The following MCCC1 variants were observed in gnomAD, a reference collection of about 807,000 sequenced individuals.
MCCC1 encodes methylcrotonyl-CoA carboxylase subunit 1.
In MCCC1, 64 loss-of-function variants were observed where a neutral mutation model predicts 83.8. The observed-to-expected ratio is 0.76, with a 90% CI of 0.62 to 0.94. The LOEUF is 0.94. MCCC1 is among the 40% of genes least tolerant of loss of function. The probability of loss-of-function intolerance (pLI) is 0.00; values close to 1 mark genes in which losing one functional copy is unlikely to be tolerated. For synonymous variants in MCCC1, 322 were observed against 315.4 expected, an observed-to-expected ratio of 1.02 and a Z score of -0.22; for missense variants, 807 against 904.7, an observed-to-expected ratio of 0.89 and a Z score of 1.39.
At chr3:183,099,259 A>AC in intron 1 of MCCC1, 93 bp downstream of exon 1, 1 of 1,444,662 alleles carries the variant, frequency 6.9e-7, no homozygotes, top group African/African-American at 1.4e-5. Flanking sequence ...CCCCACACCG[A>AC]CCCTGGGTTC....
intron 15 of MCCC1, among the ~76,000 whole-genome samples, chr3:183,025,003 G>C (rs1318239449): frequency 6.6e-6 from 1 of 150,910 alleles, no homozygotes; most frequent in Non-Finnish European, 1.5e-5. Flanking sequence ...CTACACCATG[G>C]AAGAACCTTG....
Position 183,041,692 on chromosome 3 carries a change from G to T in MCCC1, c.1142C>A (p.Ala381Asp). ...TTCTGCATATATTCTAGCTTCGAAGGCATGGCCCTGCAGAGTTATTTCTTC... is the reference window on the plus strand; with the variant it reads ...TTCTGCATATATTCTAGCTTCGAAGTCATGGCCCTGCAGAGTTATTTCTTC... ...SQEEITLQGH[A>D]FEARIYAEDP... Residue 381 changes from alanine (A) to aspartate (D), a missense_variant, in exon 11 of 19, where the codon GCC becomes GAC. By Grantham distance (126) the Ala-to-Asp change is moderately radical. Transcript: ENST00000265594. 1 of 1,614,166 alleles carries T rather than the reference G, an allele frequency of 6.2e-7. No individual in the cohort carries two copies. The highest frequency in any genetic ancestry group is 8.5e-7 in the Non-Finnish European group (1 of 1,180,026).
At chr3:183,056,621 G>C (rs1715440014) in intron 8 of MCCC1, among the ~76,000 whole-genome samples, 1 of 152,168 alleles carries the variant, frequency 6.6e-6, no homozygotes, top group Non-Finnish European at 1.5e-5. Context: ...ATTAAAAAAG[G>C]CTTTTCCACA....
intron 9 of MCCC1, among the ~76,000 whole-genome samples, chr3:183,048,205 A>T (rs1714697014): frequency 6.6e-6 from 1 of 152,248 alleles, no homozygotes; most frequent in Non-Finnish European, 1.5e-5. Context: ...AGGCAGAAAA[A>T]GTCTGAAAGA....
chr3:183,031,536 C>T (rs1258507525), intron 14 of MCCC1, among the ~76,000 whole-genome samples: 66 of 117,698 alleles, frequency 5.6e-4, no homozygotes, highest in African/African-American at 2.1e-3. Flanking sequence ...CCCGCTCTGT[C>T]GCCCAGGCTG....
At chr3:183,103,926 C>A (rs568449001), upstream of MCCC1, among the ~76,000 whole-genome samples, 1 of 152,316 alleles carries the variant, frequency 6.6e-6, no homozygotes, top group Non-Finnish European at 1.5e-5. Context: ...AGAAATCCAG[C>A]GCAGCGCCGG....
chr3:183,095,108 C>G (rs1306603620), intron 1 of MCCC1, among the ~76,000 whole-genome samples: 1 of 151,914 alleles, frequency 6.6e-6, no homozygotes, highest in Non-Finnish European at 1.5e-5. Context: ...ACGGTGAAAC[C>G]CTGTCTCTAC....
intron 15 of MCCC1, among the ~76,000 whole-genome samples, chr3:183,024,151 G>A (rs989048103): frequency 3.3e-5 from 5 of 152,142 alleles, no homozygotes; most frequent in Admixed American, 6.5e-5. Flanking sequence ...TTGGGAGGCT[G>A]AGGCAGGAGA....
chr3:183,096,729 C>T (rs1172372787), intron 1 of MCCC1, among the ~76,000 whole-genome samples: 7 of 152,210 alleles, frequency 4.6e-5, no homozygotes, highest in Non-Finnish European at 8.8e-5. Context: ...AGCTTCCTCA[C>T]GAGGCTGCTG....
intron 11 of MCCC1, 103 bp downstream of exon 11, chr3:183,041,464 A>G: frequency 1.6e-6 from 2 of 1,239,998 alleles, no homozygotes; most frequent in Non-Finnish European, 2.3e-6. Context: ...ATTTTAAAAT[A>G]TGCTAGACAG....
At chr3:183,101,734 C>G (rs537752089), upstream of MCCC1, among the ~76,000 whole-genome samples, 11 of 152,338 alleles carry the variant, frequency 7.2e-5, no homozygotes, top group Non-Finnish European at 1.2e-4. Context: ...AAGCTTTGTT[C>G]TTTCGCTCTT....
intron 1 of MCCC1, among the ~76,000 whole-genome samples, chr3:183,105,644 T>TTAGC (rs1719390608): frequency 6.6e-6 from 1 of 152,128 alleles, no homozygotes; most frequent in Non-Finnish European, 1.5e-5. Flanking sequence ...TAGGCCTGTA[T>TTAGC]TAGCTATTGT....
At chr3:183,100,474 G>C (rs970626009), upstream of MCCC1, among the ~76,000 whole-genome samples, 1 of 152,164 alleles carries the variant, frequency 6.6e-6, no homozygotes, top group Admixed American at 6.5e-5. Flanking sequence ...TGTCTTGCAA[G>C]AAAATTCCAC....
Position 183,051,514 on chromosome 3 carries a change from GGGATGAAA to G in MCCC1, c.955+637_955+644del, listed in dbSNP as rs912154074. 3.4e-4 allele frequency among the ~76,000 whole-genome samples: 51 copies of G among 152,192 alleles called. 1 individual carries two copies. In the Middle Eastern group the frequency reaches 0.01, roughly 30 times the overall value. ...CATGAGTGGCTGCCGGGGTTTAGGG[GGGATGAAA>G]GGATGAATAGACAGAGCACAGAGGA... On this transcript the variant is annotated intron_variant, in intron 9 of 18. Transcript: ENST00000265594.
intron 13 of MCCC1, among the ~76,000 whole-genome samples, chr3:183,035,491 T>C (rs897885635): frequency 6.7e-6 from 1 of 148,802 alleles, no homozygotes. Context: ...ACCAGAAGTG[T>C]TTTGAATTTC....
intron 4 of MCCC1, among the ~76,000 whole-genome samples, chr3:183,074,628 G>T (rs986055373): frequency 6.6e-6 from 1 of 152,168 alleles, no homozygotes; most frequent in Non-Finnish European, 1.5e-5. Context: ...CCTAGTGACA[G>T]GAAACAATGC....
rs1553866733 is a variant in MCCC1, at chr3:183,088,210, GT to G, written c.274-1423del. Among the ~76,000 whole-genome samples, 812 of 139,650 alleles carry G rather than the reference GT, an allele frequency of 5.8e-3. 3 individuals carry two copies. The highest frequency in any genetic ancestry group is 0.018 in the African/African-American group (668 of 37,114). 91.6% of individuals were successfully genotyped at this position (139,650 alleles called of 152,430 possible). Reference sequence around the variant, plus strand: ...TTTGTTGTTGTTGTTGTTGTTGTGTGTTTTTTTTTTTTTTTGAGGTAAGTCT... The same window carrying G: ...TTTGTTGTTGTTGTTGTTGTTGTGTGTTTTTTTTTTTTTTGAGGTAAGTCT... On this transcript the variant is annotated intron_variant, in intron 3 of 18. Transcript: ENST00000265594.
rs1244625468 is a variant in MCCC1 at position 183,071,093 on chromosome 3, C to T, written c.667G>A (p.Glu223Lys). The change falls in exon 7 of 19, where the codon GAA becomes AAA. Residue 223 changes from glutamate to lysine, a missense_variant. Glu to Lys is a moderately conservative substitution (Grantham distance 56, BLOSUM62 1). Coordinates refer to ENST00000265594, the MANE Select transcript of MCCC1 (RefSeq NM_020166.5). ...KGMRIVRSEQEFQEQLESARR... is the reference protein window; with the variant it reads ...KGMRIVRSEQKFQEQLESARR... Reference sequence around the variant, plus strand: ...GCTGACTCTAACTGTTCTTGAAATTCTTGTTCTGATCTAACAATCCTCATT... The same window carrying T: ...GCTGACTCTAACTGTTCTTGAAATTTTTGTTCTGATCTAACAATCCTCATT... 3 of 1,614,190 alleles carry T rather than the reference C, an allele frequency of 1.9e-6. No homozygotes were observed. Among genetic ancestry groups the T allele is most frequent in the Non-Finnish European group, 2.5e-6 (3 of 1,180,038 alleles).
At chr3:183,065,652 A>G (rs1160090543) in intron 7 of MCCC1, among the ~76,000 whole-genome samples, 1 of 152,210 alleles carries the variant, frequency 6.6e-6, no homozygotes, top group African/African-American at 2.4e-5. Flanking sequence ...GTCTAGATTA[A>G]AAAGTTAAAG....
Sources: gnomAD v4.1 joint callset for allele counts (sites outside exome capture counted in the v4.1 genomes callset) on GRCh38, gnomAD v4.1.1 for gene constraint, MANE v1.5 for transcripts, NCBI Gene and HGNC (gene_info 2026-07-23, HGNC 2026-07-21) for gene names.